The following ZC3H12B variants were observed in gnomAD, a reference collection of about 807,000 sequenced individuals.
ZC3H12B encodes zinc finger CCCH-type containing 12B.
In ZC3H12B, 7 loss-of-function variants were observed where a neutral mutation model predicts 43.9. That is an observed-to-expected ratio of 0.16 (90% CI 0.09 to 0.30). The LOEUF is 0.30. ZC3H12B is among the 10% of genes least tolerant of loss of function. ZC3H12B has a pLI of 1.00. For synonymous variants in ZC3H12B, 222 were observed against 241.7 expected, an observed-to-expected ratio of 0.92 and a Z score of 0.76; for missense variants, 475 against 670.2, an observed-to-expected ratio of 0.71 and a Z score of 3.22.
At chrX:65,247,337 CAAAGACAT>C in the ZC3H12B span, among the ~76,000 whole-genome samples, 2 of 112,024 alleles carry the variant, frequency 1.8e-5, no homozygotes, top group African/African-American at 3.2e-5. Context: ...GGTGATTTTT[CAAAGACAT>C]AAAGACAGAA....
the ZC3H12B span, among the ~76,000 whole-genome samples, chrX:65,213,926 T>TAC: frequency 5.9e-4 from 63 of 106,175 alleles, no homozygotes; most frequent in South Asian, 4.0e-3. Context: ...CACATATATG[T>TAC]ACACACACAC....
the ZC3H12B span, among the ~76,000 whole-genome samples, chrX:65,227,679 A>C: frequency 1.8e-5 from 2 of 111,453 alleles, no homozygotes; most frequent in Non-Finnish European, 3.8e-5. Context: ...AAATAAACAC[A>C]ATAAAAAATG....
At chrX:65,154,209 A>C in the ZC3H12B span, among the ~76,000 whole-genome samples, 5 of 111,694 alleles carry the variant, frequency 4.5e-5, no homozygotes, top group Non-Finnish European at 9.4e-5. Context: ...GTGCACATGC[A>C]CCCTAAAACT....
chrX:65,087,194 G>T, the ZC3H12B span, among the ~76,000 whole-genome samples: 2 of 110,827 alleles, frequency 1.8e-5, no homozygotes, highest in East Asian at 5.7e-4. Context: ...GGCATACCAG[G>T]ATGCCCTCTA....
At chrX:65,057,668 T>A in the ZC3H12B span, among the ~76,000 whole-genome samples, 1 of 112,178 alleles carries the variant, frequency 8.9e-6, no homozygotes, top group Admixed American at 9.5e-5. Flanking sequence ...GATAATATCC[T>A]GCAGAGTGTT....
the ZC3H12B span, among the ~76,000 whole-genome samples, chrX:65,079,386 A>T: frequency 8.9e-6 from 1 of 112,225 alleles, no homozygotes; most frequent in Admixed American, 9.4e-5. Flanking sequence ...GAACAGAGGC[A>T]GTAACCAAGG....
chrX:65,458,635 G>A (rs1243006815), intron 3 of ZC3H12B, among the ~76,000 whole-genome samples: 1 of 112,037 alleles, frequency 8.9e-6, no homozygotes, highest in African/African-American at 3.2e-5. Flanking sequence ...AATGAAGGCA[G>A]AAATAAAGAT....
chrX:65,351,205 AAAAC>A, the ZC3H12B span, among the ~76,000 whole-genome samples: 1 of 111,998 alleles, frequency 8.9e-6, no homozygotes, highest in African/African-American at 3.2e-5. Flanking sequence ...AAACCTGACA[AAAAC>A]AAGCAATAGG....
At chrX:65,407,991 T>C in intron 3 of ZC3H12B, 1 of 1,043,358 alleles carries the variant, frequency 9.6e-7, no homozygotes. Flanking sequence ...CTGCCTGGCT[T>C]TCCGGCTTAA....
chrX:65,170,141 C>G, the ZC3H12B span, among the ~76,000 whole-genome samples: 8 of 111,995 alleles, frequency 7.1e-5, no homozygotes, highest in East Asian at 2.2e-3. Flanking sequence ...ATGATCTTTA[C>G]AATTTGGCAT....
the ZC3H12B span, among the ~76,000 whole-genome samples, chrX:65,337,982 C>T: frequency 9.0e-6 from 1 of 111,673 alleles, no homozygotes; most frequent in African/African-American, 3.3e-5. Context: ...ATCTGACTTA[C>T]CACTTTGTAC....
chrX:65,083,616 A>G, the ZC3H12B span, among the ~76,000 whole-genome samples: 1 of 111,754 alleles, frequency 8.9e-6, no homozygotes, highest in African/African-American at 3.3e-5. Flanking sequence ...ACACCAAAAT[A>G]TGGAAAAAAT....
chrX:65,455,036 G>T (rs897397997), intron 3 of ZC3H12B, among the ~76,000 whole-genome samples: 1 of 112,058 alleles, frequency 8.9e-6, no homozygotes, highest in Non-Finnish European at 1.9e-5. Flanking sequence ...AAAAAACAGA[G>T]CAGAAAAATT....
At chrX:65,258,864 G>A in the ZC3H12B span, among the ~76,000 whole-genome samples, 1 of 111,132 alleles carries the variant, frequency 9.0e-6, no homozygotes, top group African/African-American at 3.3e-5. Flanking sequence ...TAACCAGGGA[G>A]GTGAAAGAAC....
At chrX:65,247,498 C>A in the ZC3H12B span, among the ~76,000 whole-genome samples, 1 of 112,544 alleles carries the variant, frequency 8.9e-6, no homozygotes, top group African/African-American at 3.2e-5. Flanking sequence ...AAATGCCTAT[C>A]AATGTGATAC....
the ZC3H12B span, among the ~76,000 whole-genome samples, chrX:65,340,516 T>A: frequency 9.0e-6 from 1 of 111,665 alleles, no homozygotes; most frequent in African/African-American, 3.3e-5. Context: ...GTTTCTAACC[T>A]CAAGGAGCCA....
the ZC3H12B span, among the ~76,000 whole-genome samples, chrX:65,321,706 G>A: frequency 9.1e-6 from 1 of 110,188 alleles, no homozygotes; most frequent in Non-Finnish European, 1.9e-5. Context: ...TATACACCAT[G>A]CAGCCGTAGA....
chrX:65,255,537 G>A, the ZC3H12B span, among the ~76,000 whole-genome samples: 2 of 111,755 alleles, frequency 1.8e-5, no homozygotes, highest in Non-Finnish European at 3.8e-5. Context: ...AGTCCTTAAG[G>A]GAGTGCTAAA....
At chrX:65,223,453 C>G in the ZC3H12B span, among the ~76,000 whole-genome samples, 5 of 112,277 alleles carry the variant, frequency 4.5e-5, no homozygotes, top group Admixed American at 4.7e-4. Flanking sequence ...GTAAATGCAA[C>G]AAAGACAGAT....
Sources: allele counts gnomAD v4.1 joint callset (sites outside exome capture counted in the v4.1 genomes callset), GRCh38; gene constraint gnomAD v4.1.1; transcripts MANE v1.5; gene names NCBI Gene and HGNC (gene_info 2026-07-23, HGNC 2026-07-21).